Variants in LINC00305 observed in about 807,000 individuals in gnomAD.
The protein encoded by LINC00305 is long intergenic non-protein coding RNA 305.
At chr18:64,117,777 C>T (rs557098263) in intron 1 of LINC00305, among the ~76,000 whole-genome samples, 3 of 152,300 alleles carry the variant, frequency 2.0e-5, no homozygotes, top group African/African-American at 7.2e-5. Context: ...CAGGCTTTGC[C>T]TCCATGTTTC....
At chr18:64,135,971 G>A (rs556084877) in intron 1 of LINC00305, among the ~76,000 whole-genome samples, 196 of 152,292 alleles carry the variant, frequency 1.3e-3, no homozygotes, top group African/African-American at 4.3e-3. Context: ...AGGGACGGAC[G>A]TGGAGGACTT....
At chr18:64,116,121 C>T (rs189646648) in intron 1 of LINC00305, among the ~76,000 whole-genome samples, 2 of 152,304 alleles carry the variant, frequency 1.3e-5, no homozygotes, top group East Asian at 1.9e-4. Flanking sequence ...ATTATTGCGA[C>T]ATCCTTAAAG....
Position 64,111,542 on chromosome 18 carries a change from A to G in LINC00305, n.315-12902T>C, listed in dbSNP as rs193284508. On this transcript the variant is annotated intron_variant and non_coding_transcript_variant, in intron 1 of 3. Coordinates refer to ENST00000666468, the Ensembl canonical transcript of LINC00305. Reference sequence around the variant, plus strand: ...GTTTATAGAATAGTAAGGAAAATACATAATCATAATATTTTAAAACAGAAT... The same window carrying G: ...GTTTATAGAATAGTAAGGAAAATACGTAATCATAATATTTTAAAACAGAAT... 7.9e-5 allele frequency among the ~76,000 whole-genome samples: 12 copies of G among 152,388 alleles called. No homozygotes were observed. In the East Asian group the frequency reaches 2.3e-3, roughly 29 times the overall value.
At chr18:64,137,620 G>A (rs1403883451) in intron 1 of LINC00305, among the ~76,000 whole-genome samples, 3 of 152,108 alleles carry the variant, frequency 2.0e-5, no homozygotes, top group Admixed American at 1.3e-4. Flanking sequence ...TTAAAATTCC[G>A]AAGTTGGGGT....
intron 1 of LINC00305, among the ~76,000 whole-genome samples, chr18:64,119,474 T>C (rs761776339): frequency 6.6e-6 from 1 of 152,176 alleles, no homozygotes; most frequent in Non-Finnish European, 1.5e-5. Flanking sequence ...GTATTGAGTT[T>C]CACTAGGCTT....
intron 3 of LINC00305, among the ~76,000 whole-genome samples, chr18:64,085,951 G>A (rs760226331): frequency 6.6e-6 from 1 of 152,188 alleles, no homozygotes; most frequent in Non-Finnish European, 1.5e-5. Context: ...GCACTCTGCT[G>A]TATATCTTAC....
At chr18:64,115,532 T>C (rs1269314249) in intron 1 of LINC00305, among the ~76,000 whole-genome samples, 2 of 152,020 alleles carry the variant, frequency 1.3e-5, no homozygotes, top group African/African-American at 4.8e-5. Context: ...GATGGGACAG[T>C]GGAATGAGAA....
chr18:64,132,407 C>T (rs2051413682), intron 1 of LINC00305, among the ~76,000 whole-genome samples: 1 of 152,170 alleles, frequency 6.6e-6, no homozygotes, highest in Admixed American at 6.5e-5. Context: ...AGGGGTGCCT[C>T]ATTATATTAA....
intron 1 of LINC00305, among the ~76,000 whole-genome samples, chr18:64,103,200 C>G (rs1222077986): frequency 6.6e-6 from 1 of 152,200 alleles, no homozygotes; most frequent in East Asian, 1.9e-4. Context: ...CCACGTGTGT[C>G]TGCCATTTTC....
intron 3 of LINC00305, among the ~76,000 whole-genome samples, chr18:64,081,178 C>T (rs917225049): frequency 5.3e-5 from 8 of 152,214 alleles, no homozygotes; most frequent in South Asian, 2.1e-4. Context: ...TTAGCTGTCA[C>T]ATTGCCTTTT....
chr18:64,101,545 T>G (rs1222363102), intron 1 of LINC00305, among the ~76,000 whole-genome samples: 2 of 152,224 alleles, frequency 1.3e-5, no homozygotes, highest in Non-Finnish European at 2.9e-5. Flanking sequence ...CTTCCCTCTA[T>G]GTATGTGTGT....
chr18:64,142,263 G>C (rs1278739354), intron 1 of LINC00305, among the ~76,000 whole-genome samples: 1 of 152,180 alleles, frequency 6.6e-6, no homozygotes, highest in African/African-American at 2.4e-5. Flanking sequence ...AATTGAATAG[G>C]CTTTTAAAAA....
At chr18:64,105,032 C>G (rs2613657) in intron 1 of LINC00305, among the ~76,000 whole-genome samples, 17,782 of 151,984 alleles carry the variant, frequency 0.12, 1,259 homozygotes, top group Non-Finnish European at 0.16. Context: ...CAGCTCCCCT[C>G]TCTTTACCTC....
At chr18:64,128,030 GT>G (rs201573120) in intron 1 of LINC00305, among the ~76,000 whole-genome samples, 8 of 151,728 alleles carry the variant, frequency 5.3e-5, no homozygotes, top group African/African-American at 1.7e-4. Flanking sequence ...CTTCTTTTGG[GT>G]TTTTTTTCTT....
At chr18:64,092,039 A>C (rs993102888) in intron 3 of LINC00305, among the ~76,000 whole-genome samples, 4 of 152,222 alleles carry the variant, frequency 2.6e-5, no homozygotes, top group Non-Finnish European at 5.9e-5. Context: ...ATTAGTTCAT[A>C]AGGCACAATT....
intron 1 of LINC00305, among the ~76,000 whole-genome samples, chr18:64,112,364 T>C (rs1471305737): frequency 6.6e-6 from 1 of 151,970 alleles, no homozygotes; most frequent in Non-Finnish European, 1.5e-5. Flanking sequence ...AATCCTACCT[T>C]GTTTGTTCCT....
chr18:64,114,877 G>A (rs1599218510), intron 1 of LINC00305, among the ~76,000 whole-genome samples: 1 of 152,188 alleles, frequency 6.6e-6, no homozygotes, highest in Non-Finnish European at 1.5e-5. Flanking sequence ...AAATGAGCTT[G>A]TGCGTAAAGA....
At chr18:64,083,343 C>G (rs2051191814) in intron 3 of LINC00305, among the ~76,000 whole-genome samples, 1 of 152,166 alleles carries the variant, frequency 6.6e-6, no homozygotes, top group Admixed American at 6.5e-5. Flanking sequence ...CGCGATACCC[C>G]ATTGTTCCCA....
At chr18:64,107,897 G>A (rs2051298060) in intron 1 of LINC00305, among the ~76,000 whole-genome samples, 2 of 152,158 alleles carry the variant, frequency 1.3e-5, no homozygotes, top group Non-Finnish European at 2.9e-5. Context: ...CACGAGCAGG[G>A]TTCTCCAGAA....
Sources: gnomAD v4.1 joint callset for allele counts (sites outside exome capture counted in the v4.1 genomes callset) on GRCh38, gnomAD v4.1.1 for gene constraint, MANE v1.5 for transcripts, NCBI Gene and HGNC (gene_info 2026-07-23, HGNC 2026-07-21) for gene names.